ANKRD11: variants seen among roughly 807,000 people sequenced by gnomAD.
The protein encoded by ANKRD11 is ankyrin repeat domain-containing protein 11.
A neutral mutation model predicts 195.7 loss-of-function variants in ANKRD11; 17 were observed. The ratio of observed to expected loss-of-function variants is 0.09; its 90% CI spans 0.06 to 0.13. ANKRD11 has a LOEUF of 0.13. Ranked by LOEUF, ANKRD11 falls within the 10% of genes least tolerant of loss-of-function variation. The pLI, the probability that ANKRD11 is intolerant of heterozygous loss-of-function variation, is 1.00. For missense variants in ANKRD11, 3,735 were observed against 3,566.1 expected, an observed-to-expected ratio of 1.05 and a Z score of -1.21; for synonymous variants, 1,953 against 1,528.1, an observed-to-expected ratio of 1.28 and a Z score of -6.49.
chr16:89,476,601 T>C (rs953473178), intron 1 of ANKRD11, among the ~76,000 whole-genome samples: 1 of 152,150 alleles, frequency 6.6e-6, no homozygotes, highest in African/African-American at 2.4e-5. Flanking sequence ...CAGGTGGGGC[T>C]CTGCAGCCTG....
intron 2 of ANKRD11, among the ~76,000 whole-genome samples, chr16:89,335,454 T>C (rs2038302643): frequency 6.6e-6 from 1 of 152,182 alleles, no homozygotes; most frequent in Admixed American, 6.5e-5. Flanking sequence ...GATGAGTGGG[T>C]TCCCACCTAG....
At chr16:89,482,576 G>C (rs2057479071) in intron 1 of ANKRD11, among the ~76,000 whole-genome samples, 1 of 152,230 alleles carries the variant, frequency 6.6e-6, no homozygotes, top group South Asian at 2.1e-4. Flanking sequence ...TCAGCAGAGA[G>C]GGAGATGACC....
chr16:89,278,773 C>T, intron 9 of ANKRD11: 1 of 587,792 alleles, frequency 1.7e-6, no homozygotes, highest in Non-Finnish European at 3.2e-6. Flanking sequence ...GAGTGAGCGG[C>T]GTGAAGGGGG....
At chr16:89,342,817 CA>C (rs1263419575) in intron 2 of ANKRD11, among the ~76,000 whole-genome samples, 2 of 152,120 alleles carry the variant, frequency 1.3e-5, no homozygotes, top group Non-Finnish European at 2.9e-5. Flanking sequence ...ACAGAATAAC[CA>C]AACTTTTGTT....
At chr16:89,327,525 A>G (rs1402227919) in intron 2 of ANKRD11, among the ~76,000 whole-genome samples, 2 of 152,078 alleles carry the variant, frequency 1.3e-5, no homozygotes, top group Non-Finnish European at 2.9e-5. Flanking sequence ...TTCAGCAAGG[A>G]CACAGAATCC....
At chr16:89,401,653 C>A (rs1254951393) in intron 2 of ANKRD11, among the ~76,000 whole-genome samples, 1 of 152,180 alleles carries the variant, frequency 6.6e-6, no homozygotes. Flanking sequence ...AGCCCCCCAA[C>A]ACCACAGACG....
intron 2 of ANKRD11, among the ~76,000 whole-genome samples, chr16:89,338,908 A>G (rs1002281732): frequency 6.6e-6 from 1 of 152,180 alleles, no homozygotes; most frequent in Non-Finnish European, 1.5e-5. Flanking sequence ...AGTAACAAAA[A>G]AATCACCCAG....
At chr16:89,451,589 G>C (rs535973889) in intron 1 of ANKRD11, among the ~76,000 whole-genome samples, 2 of 151,868 alleles carry the variant, frequency 1.3e-5, no homozygotes, top group East Asian at 3.9e-4. Flanking sequence ...GTTAATTTTT[G>C]TATTTTTAGT....
Position 89,279,769 on chromosome 16 carries a change from G to A in ANKRD11, c.6773C>T (p.Ala2258Val). The change falls in exon 9 of 13, where the codon GCT becomes GTT. Residue 2258 changes from alanine to valine, a missense_variant. Transcript: ENST00000301030. The surrounding 1 kb of genome is among the most constrained non-coding windows in gnomAD (Gnocchi z 5.6). ...QRPLGSGDQG[A>V]EAEGPPAASL... Reference sequence around the variant, plus strand: ...CGCGGCGGGGGGGCCTTCAGCCTCAGCCCCCTGGTCTCCGCTCCCCAGTGG... The same window carrying A: ...CGCGGCGGGGGGGCCTTCAGCCTCAACCCCCTGGTCTCCGCTCCCCAGTGG... 1 of 1,527,700 alleles carries A rather than the reference G, an allele frequency of 6.5e-7. No homozygotes were observed. Among genetic ancestry groups the A allele is most frequent in the Non-Finnish European group, 8.8e-7 (1 of 1,140,760 alleles). The allele number at this position is 1,527,700 out of a possible 1,614,324, so 94.6% of individuals were successfully genotyped here.
intron 2 of ANKRD11, among the ~76,000 whole-genome samples, chr16:89,363,283 T>C (rs116135064): frequency 1.4e-4 from 22 of 152,290 alleles, no homozygotes; most frequent in African/African-American, 4.3e-4. Flanking sequence ...AAATTCACCC[T>C]GTATTTGACG....
At chr16:89,419,456 A>G (rs1458151693) in intron 1 of ANKRD11, among the ~76,000 whole-genome samples, 2 of 152,076 alleles carry the variant, frequency 1.3e-5, no homozygotes, top group Non-Finnish European at 2.9e-5. Flanking sequence ...CGTCTTAAAA[A>G]AAAAAAAAAA....
At chr16:89,405,941 C>T (rs1356047070) in intron 2 of ANKRD11, among the ~76,000 whole-genome samples, 2 of 152,034 alleles carry the variant, frequency 1.3e-5, no homozygotes, top group Non-Finnish European at 1.5e-5. Flanking sequence ...AAAGCCCCGT[C>T]TCTACTAAAA....
Position 89,285,731 on chromosome 16 carries a change from A to G in ANKRD11, c.893-82T>C. 2 of 1,491,506 alleles carry G rather than the reference A, an allele frequency of 1.3e-6. No homozygotes were observed. The highest frequency in any genetic ancestry group is 1.9e-6 in the Non-Finnish European group (2 of 1,071,702). 92.4% of individuals were successfully genotyped at this position (1,491,506 alleles called of 1,614,324 possible). A position where few individuals can be genotyped will look rare whatever the true frequency, so the allele number is the denominator to read the frequency against. ...ATGGCAGAGGAGGGAGGCTCTGCAG[A>G]TGTGTCTGCGGGAAGGTTCCCACCC... On this transcript the variant is annotated intron_variant, in intron 8 of 12. Transcript: ENST00000301030. This position sits in a 1 kb window ranked among gnomAD's most constrained non-coding sequence, Gnocchi z 5.6.
intron 3 of ANKRD11, among the ~76,000 whole-genome samples, chr16:89,316,044 T>C (rs1952017405): frequency 6.6e-6 from 1 of 151,410 alleles, no homozygotes; most frequent in African/African-American, 2.4e-5. Flanking sequence ...AGGTCACAGA[T>C]GAACGGCCTG....
chr16:89,297,854 T>C (rs1015472478), intron 4 of ANKRD11: 15 of 152,202 alleles, frequency 9.9e-5, no homozygotes, highest in African/African-American at 1.4e-4. Context: ...GGCCTACCCC[T>C]GTCTGCTGCG....
intron 2 of ANKRD11, among the ~76,000 whole-genome samples, chr16:89,378,689 C>T (rs1394028879): frequency 6.6e-6 from 1 of 152,212 alleles, no homozygotes; most frequent in East Asian, 1.9e-4. Flanking sequence ...AAGCAATTCT[C>T]CTGTCTCAGC....
intron 4 of ANKRD11, among the ~76,000 whole-genome samples, chr16:89,295,999 T>TTTTTTTTTTC (rs1331625268): frequency 8.2e-6 from 1 of 122,122 alleles, no homozygotes; most frequent in Non-Finnish European, 1.7e-5. Flanking sequence ...TTTTTTTTTT[T>TTTTTTTTTTC]TTTTTTTGAG....
At position 89,283,574 on chromosome 16, in the gene ANKRD11, C is replaced by A; in HGVS notation, c.2968G>T (p.Asp990Tyr). The A allele has an allele frequency of 1.9e-6, 3 of 1,610,752 alleles. No homozygotes were observed. Among genetic ancestry groups the A allele is most frequent in the Non-Finnish European group, 1.7e-6 (2 of 1,180,014 alleles). ...TCCAGGCCCTTCCCAAAGTCGCCGT[C>A]GGACTTGTCCTTGAAGCCACTCTCG... is the stretch of plus-strand genomic sequence containing the variant. ...GCESGFKDKS[D>Y]GDFGKGLEPW... Residue 990 changes from aspartate to tyrosine, a missense_variant, in exon 9 of 13, where the codon GAC (aspartate) becomes TAC (tyrosine). Physicochemically the swap from Asp to Tyr is radical, Grantham distance 160. Transcript: ENST00000301030. This position sits in a 1 kb window ranked among gnomAD's most constrained non-coding sequence, Gnocchi z 4.3.
rs1274261548 is a variant in ANKRD11 at position 89,418,670 on chromosome 16, C to A, written c.-144-302G>T. ...TCACCATAAAACCAGATTTTAGAGG[C>A]TCTGGGGCTTTTTATACGTAAGAAA... On this transcript the variant is annotated intron_variant, in intron 1 of 12. Coordinates refer to ENST00000301030, the MANE Select transcript of ANKRD11 (RefSeq NM_013275.6). Among the ~76,000 whole-genome samples, 3 of 152,282 alleles carry A rather than the reference C, an allele frequency of 2.0e-5. No individual in the cohort carries two copies. In the South Asian group the frequency reaches 6.2e-4, roughly 32 times the overall value.
Sources: allele counts gnomAD v4.1 joint callset (sites outside exome capture counted in the v4.1 genomes callset), GRCh38; gene constraint gnomAD v4.1.1; non-coding constraint Gnocchi (gnomAD v3.1); transcripts MANE v1.5; gene names NCBI Gene and HGNC (gene_info 2026-07-23, HGNC 2026-07-21).